The following GALNT17 variants were observed in gnomAD, a reference collection of about 807,000 sequenced individuals.
GALNT17 encodes UDP-GalNAc:polypeptide N-acetylgalactosaminyltransferase-like 3.
A neutral mutation model predicts 63.7 loss-of-function variants in GALNT17; 29 were observed. The observed-to-expected ratio is 0.46, with a 90% confidence interval of 0.34 to 0.62. The LOEUF is 0.62. Among genes scored for constraint, GALNT17 ranks in the 20% least tolerant of loss-of-function variants. The pLI, the probability that GALNT17 is intolerant of heterozygous loss-of-function variation, is 0.01. For synonymous variants in GALNT17, 305 were observed against 318.3 expected, an observed-to-expected ratio of 0.96 and a Z score of 0.45; for missense variants, 603 against 799.6, an observed-to-expected ratio of 0.75 and a Z score of 2.97.
chr7:71,634,755 AAAAAAAAAAAAAAG>A (rs1273546332), intron 6 of GALNT17, among the ~76,000 whole-genome samples: 5 of 4,062 alleles, frequency 1.2e-3, no homozygotes, highest in Non-Finnish European at 3.0e-3. Context: ...CTCCATCTCA[AAAAAAAAAAAAAAG>A]AAAAAAGAAA....
chr7:71,287,822 C>G (rs2115795885), intron 1 of GALNT17, among the ~76,000 whole-genome samples: 1 of 152,232 alleles, frequency 6.6e-6, no homozygotes, highest in Non-Finnish European at 1.5e-5. Flanking sequence ...GAGGCTGAGG[C>G]AGGCAGATCA....
intron 5 of GALNT17, among the ~76,000 whole-genome samples, chr7:71,426,093 C>T (rs972846066): frequency 1.3e-5 from 2 of 152,192 alleles, no homozygotes; most frequent in Non-Finnish European, 2.9e-5. Context: ...AGGATCCACC[C>T]TCATGATCCA....
chr7:71,219,226 G>C (rs1417378449), intron 1 of GALNT17, among the ~76,000 whole-genome samples: 1 of 152,100 alleles, frequency 6.6e-6, no homozygotes, highest in Non-Finnish European at 1.5e-5. Flanking sequence ...CTTCCAAGGG[G>C]GTGGAGTCAG....
At chr7:71,702,997 G>A (rs142427569) in intron 9 of GALNT17, among the ~76,000 whole-genome samples, 2 of 152,296 alleles carry the variant, frequency 1.3e-5, no homozygotes, top group African/African-American at 4.8e-5. Flanking sequence ...GTCAAGTAGG[G>A]AGCTGGATAT....
chr7:71,148,942 G>C (rs1004744880), intron 1 of GALNT17, among the ~76,000 whole-genome samples: 2 of 140,376 alleles, frequency 1.4e-5, no homozygotes, highest in Admixed American at 1.5e-4. Context: ...TTGTTTTGTT[G>C]TTGTTTTGAG....
At chr7:71,563,192 T>TA (rs1468729132) in intron 5 of GALNT17, among the ~76,000 whole-genome samples, 1 of 152,184 alleles carries the variant, frequency 6.6e-6, no homozygotes, top group African/African-American at 2.4e-5. Context: ...TTTTGAATGA[T>TA]TTTGAATTGA....
chr7:71,564,174 C>G (rs1374358793), intron 5 of GALNT17, among the ~76,000 whole-genome samples: 1 of 152,058 alleles, frequency 6.6e-6, no homozygotes, highest in African/African-American at 2.4e-5. Context: ...GGAGGGTCAC[C>G]TGCTGGGGCC....
intron 3 of GALNT17, among the ~76,000 whole-genome samples, chr7:71,401,610 T>C (rs1793243024): frequency 6.6e-6 from 1 of 152,142 alleles, no homozygotes; most frequent in Non-Finnish European, 1.5e-5. Context: ...CGTTACCACC[T>C]GAGCTCCATC....
At chr7:71,280,320 C>T (rs539020949) in intron 1 of GALNT17, among the ~76,000 whole-genome samples, 3 of 152,228 alleles carry the variant, frequency 2.0e-5, no homozygotes, top group Non-Finnish European at 2.9e-5. Flanking sequence ...CATCTGACTG[C>T]GTTGGAAACT....
chr7:71,269,888 A>G (rs1287929532), intron 1 of GALNT17, among the ~76,000 whole-genome samples: 1 of 152,170 alleles, frequency 6.6e-6, no homozygotes, highest in Non-Finnish European at 1.5e-5. Context: ...TGTAAAACCT[A>G]ACAAGAGCAC....
At chr7:71,403,689 C>A (rs1793278843) in intron 3 of GALNT17, among the ~76,000 whole-genome samples, 1 of 152,170 alleles carries the variant, frequency 6.6e-6, no homozygotes, top group South Asian at 2.1e-4. Flanking sequence ...CCCCAGAATG[C>A]TAGAGAAGGA....
intron 5 of GALNT17, among the ~76,000 whole-genome samples, chr7:71,495,057 G>A (rs1310567734): frequency 6.6e-6 from 1 of 152,168 alleles, no homozygotes; most frequent in East Asian, 1.9e-4. Context: ...GATCACCTGA[G>A]GTCAGGAATT....
At chr7:71,216,261 G>A (rs1789476288) in intron 1 of GALNT17, among the ~76,000 whole-genome samples, 3 of 152,002 alleles carry the variant, frequency 2.0e-5, no homozygotes, top group Non-Finnish European at 2.9e-5. Context: ...AGATGATGTC[G>A]TGATATATCA....
intron 3 of GALNT17, among the ~76,000 whole-genome samples, chr7:71,410,940 A>C (rs1007142229): frequency 4.6e-5 from 7 of 152,200 alleles, no homozygotes; most frequent in Non-Finnish European, 8.8e-5. Flanking sequence ...TGGATTTTAT[A>C]ACATTTATTT....
intron 5 of GALNT17, among the ~76,000 whole-genome samples, chr7:71,479,926 T>G (rs2116638273): frequency 6.6e-6 from 1 of 152,308 alleles, no homozygotes; most frequent in South Asian, 2.1e-4. Context: ...CAGAGACAAC[T>G]TCTTTCTTTG....
chr7:71,258,246 GCA>G (rs778760291), intron 1 of GALNT17, among the ~76,000 whole-genome samples: 4 of 152,240 alleles, frequency 2.6e-5, no homozygotes, highest in Non-Finnish European at 5.9e-5. Context: ...TCAACAAGAA[GCA>G]TTTGCTTCTT....
intron 6 of GALNT17, among the ~76,000 whole-genome samples, chr7:71,609,970 A>G (rs1790101160): frequency 6.6e-6 from 1 of 152,084 alleles, no homozygotes; most frequent in African/African-American, 2.4e-5. Flanking sequence ...ATTAATAGAC[A>G]TTTTTTAGAA....
chr7:71,702,645 T>G (rs1332300398), intron 9 of GALNT17, among the ~76,000 whole-genome samples: 1 of 152,124 alleles, frequency 6.6e-6, no homozygotes, highest in African/African-American at 2.4e-5. Flanking sequence ...AAGCAGTCAC[T>G]CTGGATGGTG....
At chr7:71,195,314 C>T (rs1230699190) in intron 1 of GALNT17, among the ~76,000 whole-genome samples, 6 of 152,148 alleles carry the variant, frequency 3.9e-5, no homozygotes, top group Non-Finnish European at 8.8e-5. Context: ...CTCCTGGCCT[C>T]AGGAGATCTT....
Sources: allele counts gnomAD v4.1 joint callset (sites outside exome capture counted in the v4.1 genomes callset), GRCh38; gene constraint gnomAD v4.1.1; transcripts MANE v1.5; gene names NCBI Gene and HGNC (gene_info 2026-07-23, HGNC 2026-07-21).